QTMAN: variants seen among roughly 807,000 people sequenced by gnomAD.
QTMAN encodes tRNA-queuosine alpha-mannosyltransferase.
At chr2:144,317,426 GAA>G in the QTMAN span, 1 of 151,884 alleles carries the variant, frequency 6.6e-6, no homozygotes, top group Non-Finnish European at 1.5e-5. Context: ...AGGAAGGAAG[GAA>G]GGAAGGGACA....
chr2:144,090,637 A>G, the QTMAN span, among the ~76,000 whole-genome samples: 8 of 152,064 alleles, frequency 5.3e-5, no homozygotes, highest in African/African-American at 1.9e-4. Flanking sequence ...GTAAATATTG[A>G]AGTATACATC....
the QTMAN span, among the ~76,000 whole-genome samples, chr2:143,984,081 A>T: frequency 6.6e-6 from 1 of 152,154 alleles, no homozygotes; most frequent in Non-Finnish European, 1.5e-5. Context: ...ACCACCAAAT[A>T]TGTCTTTCTT....
the QTMAN span, among the ~76,000 whole-genome samples, chr2:144,045,223 C>A: frequency 3.3e-5 from 5 of 152,142 alleles, no homozygotes; most frequent in Non-Finnish European, 4.4e-5. Context: ...ACAGTCTGGT[C>A]TTAAGTAAGA....
the QTMAN span, among the ~76,000 whole-genome samples, chr2:144,076,001 C>T: frequency 6.6e-6 from 1 of 152,230 alleles, no homozygotes; most frequent in African/African-American, 2.4e-5. Context: ...GTAATCCCAG[C>T]ACTTTGGGAG....
the QTMAN span, among the ~76,000 whole-genome samples, chr2:144,146,139 C>A: frequency 6.7e-6 from 1 of 150,042 alleles, no homozygotes; most frequent in Non-Finnish European, 1.5e-5. Context: ...CTTCTTTATG[C>A]AACCAACTAC....
chr2:144,188,634 C>T, the QTMAN span, among the ~76,000 whole-genome samples: 1 of 151,994 alleles, frequency 6.6e-6, no homozygotes, highest in Non-Finnish European at 1.5e-5. Flanking sequence ...AATTATAAAA[C>T]TTTCTGACAC....
the QTMAN span, among the ~76,000 whole-genome samples, chr2:144,065,944 G>A: frequency 6.6e-6 from 1 of 151,958 alleles, no homozygotes; most frequent in Non-Finnish European, 1.5e-5. Context: ...CTTAAAAGGC[G>A]GTGGCCATGA....
chr2:144,235,843 T>G, the QTMAN span: 1 of 152,462 alleles, frequency 6.6e-6, no homozygotes, highest in African/African-American at 2.4e-5. Context: ...GTCTGGCTCT[T>G]GGATATTCCA....
the QTMAN span, among the ~76,000 whole-genome samples, chr2:143,962,659 G>A: frequency 6.6e-6 from 1 of 152,058 alleles, no homozygotes; most frequent in African/African-American, 2.4e-5. Context: ...GGCAAGAACT[G>A]GAAAAGAGCC....
At chr2:144,151,223 G>A in the QTMAN span, among the ~76,000 whole-genome samples, 226 of 152,108 alleles carry the variant, frequency 1.5e-3, no homozygotes, top group African/African-American at 5.2e-3. Flanking sequence ...TTAACACCAT[G>A]TTGTTTTGCC....
chr2:143,948,014 G>C, the QTMAN span, among the ~76,000 whole-genome samples: 2 of 152,192 alleles, frequency 1.3e-5, no homozygotes, highest in African/African-American at 2.4e-5. Flanking sequence ...GAAGTTCTTA[G>C]AACATCACAA....
the QTMAN span, among the ~76,000 whole-genome samples, chr2:144,232,846 C>T: frequency 6.6e-6 from 1 of 152,118 alleles, no homozygotes; most frequent in Admixed American, 6.6e-5. Flanking sequence ...CAAATCATCT[C>T]TTTAAAATTC....
At chr2:144,133,150 T>TATAA in the QTMAN span, among the ~76,000 whole-genome samples, 9 of 38,484 alleles carry the variant, frequency 2.3e-4, no homozygotes, top group African/African-American at 1.9e-3. Context: ...TATATATATA[T>TATAA]AATATAATAT....
the QTMAN span, among the ~76,000 whole-genome samples, chr2:144,090,759 G>A: frequency 1.3e-5 from 2 of 152,030 alleles, no homozygotes; most frequent in Admixed American, 1.3e-4. Flanking sequence ...CTGTTAATAC[G>A]TCGTGTCTCT....
At chr2:143,976,293 CTTGGGGTTCA>C in the QTMAN span, among the ~76,000 whole-genome samples, 1 of 151,968 alleles carries the variant, frequency 6.6e-6, no homozygotes, top group Non-Finnish European at 1.5e-5. Context: ...TTTCTTGTTA[CTTGGGGTTCA>C]AACTCATCGG....
the QTMAN span, among the ~76,000 whole-genome samples, chr2:144,239,846 A>G: frequency 6.6e-6 from 1 of 152,180 alleles, no homozygotes; most frequent in African/African-American, 2.4e-5. Context: ...TTTATTTCAC[A>G]CCAAACTAGT....
At chr2:144,201,060 G>A in the QTMAN span, among the ~76,000 whole-genome samples, 2 of 152,216 alleles carry the variant, frequency 1.3e-5, no homozygotes, top group Admixed American at 1.3e-4. Context: ...AGATAGATAT[G>A]ACTCTTGTCA....
the QTMAN span, among the ~76,000 whole-genome samples, chr2:144,129,551 T>G: frequency 1.3e-5 from 2 of 152,118 alleles, no homozygotes; most frequent in Non-Finnish European, 2.9e-5. Flanking sequence ...AGATTCCAGT[T>G]TGGAACAACA....
the QTMAN span, among the ~76,000 whole-genome samples, chr2:144,147,121 A>T: frequency 6.6e-6 from 1 of 152,028 alleles, no homozygotes; most frequent in Non-Finnish European, 1.5e-5. Context: ...CATAAGAAGG[A>T]TTACATAATA....
Sources: gnomAD v4.1 joint callset for allele counts (sites outside exome capture counted in the v4.1 genomes callset) on GRCh38, gnomAD v4.1.1 for gene constraint, MANE v1.5 for transcripts, NCBI Gene and HGNC (gene_info 2026-07-23, HGNC 2026-07-21) for gene names.